The following MNAT1 variants were observed in gnomAD, a reference collection of about 807,000 sequenced individuals.
The protein encoded by MNAT1 is CDK-activating kinase assembly factor MAT1.
MNAT1 carries 43 observed loss-of-function variants against 42.0 expected under a neutral mutation model. The ratio of observed to expected loss-of-function variants is 1.02; its 90% confidence interval spans 0.80 to 1.32. The LOEUF (loss-of-function observed/expected upper bound fraction) is 1.32. MNAT1 is among the 40% of genes most tolerant of loss of function. MNAT1 has a pLI of 0.00. For missense variants in MNAT1, 306 were observed against 350.4 expected (o/e 0.87, Z 1.01); for synonymous variants, 118 against 120.0 (o/e 0.98, Z 0.11).
At chr14:60,875,681 T>C (rs927012713) in intron 6 of MNAT1, among the ~76,000 whole-genome samples, 2 of 152,152 alleles carry the variant, frequency 1.3e-5, no homozygotes, top group Non-Finnish European at 2.9e-5. Context: ...TTTTGGCTAT[T>C]GTAAATGATG....
chr14:60,938,319 A>G (rs553165577), intron 7 of MNAT1, among the ~76,000 whole-genome samples: 10 of 152,230 alleles, frequency 6.6e-5, no homozygotes, highest in African/African-American at 2.4e-4. Flanking sequence ...TTCAAAGGGA[A>G]TGCTTCCAGT....
intron 7 of MNAT1, among the ~76,000 whole-genome samples, chr14:60,960,990 G>T (rs531734938): frequency 2.3e-3 from 346 of 151,654 alleles, no homozygotes; most frequent in African/African-American, 7.9e-3. Context: ...GAGACGGAGT[G>T]TTGCTCTTGT....
In MNAT1 at chr14:60,940,862, C is replaced by T. The variant is rs1388872624; in HGVS notation, c.810-27367C>T. ...TTCAACATTACAGAATCAGAAGGGT[C>T]AAAATTAGAATAGCCTGAGAAGCTC... On this transcript the variant is annotated intron_variant, in intron 7 of 7. Coordinates refer to ENST00000261245, the MANE Select transcript of MNAT1 (RefSeq NM_002431.4). 2.0e-5 allele frequency among the ~76,000 whole-genome samples: 3 copies of T among 152,012 alleles called. No individual in the cohort carries two copies. The South Asian group carries it at 6.2e-4, about 32-fold the overall frequency.
At chr14:60,738,010 G>A (rs1303556813) in intron 1 of MNAT1, among the ~76,000 whole-genome samples, 1 of 149,790 alleles carries the variant, frequency 6.7e-6, no homozygotes, top group East Asian at 2.0e-4. Context: ...TACCACGCCC[G>A]GCTAATTTTT....
intron 1 of MNAT1, among the ~76,000 whole-genome samples, chr14:60,766,439 C>T (rs555572085): frequency 4.0e-4 from 61 of 151,846 alleles, no homozygotes; most frequent in African/African-American, 1.4e-3. Context: ...TGTGGCCTGG[C>T]GTGGTGGCTC....
intron 1 of MNAT1, among the ~76,000 whole-genome samples, chr14:60,785,435 A>C (rs1236454986): frequency 6.6e-6 from 1 of 152,194 alleles, no homozygotes; most frequent in African/African-American, 2.4e-5. Context: ...TAGGGATTTA[A>C]ATGATTAATT....
At chr14:60,811,117 G>A (rs915306177) in intron 4 of MNAT1, among the ~76,000 whole-genome samples, 2 of 151,790 alleles carry the variant, frequency 1.3e-5, no homozygotes, top group African/African-American at 2.4e-5. Context: ...TTTAATTAAA[G>A]TCTATTTTGT....
intron 7 of MNAT1, among the ~76,000 whole-genome samples, chr14:60,936,653 C>T (rs1303876651): frequency 6.6e-6 from 1 of 152,068 alleles, no homozygotes; most frequent in Non-Finnish European, 1.5e-5. Flanking sequence ...GGTTCCAAGT[C>T]TTTGCTATTG....
chr14:60,954,790 A>C (rs2036451375), intron 7 of MNAT1, among the ~76,000 whole-genome samples: 1 of 152,154 alleles, frequency 6.6e-6, no homozygotes, highest in Non-Finnish European at 1.5e-5. Context: ...TTCTTGGCTT[A>C]TTCCTAATTT....
At chr14:60,759,856 A>G (rs2030522776) in intron 1 of MNAT1, among the ~76,000 whole-genome samples, 1 of 152,176 alleles carries the variant, frequency 6.6e-6, no homozygotes, top group South Asian at 2.1e-4. Flanking sequence ...GCCTTAGGTC[A>G]AATATTTATA....
chr14:60,955,442 A>C (rs2036470568), intron 7 of MNAT1, among the ~76,000 whole-genome samples: 1 of 152,116 alleles, frequency 6.6e-6, no homozygotes, highest in Non-Finnish European at 1.5e-5. Flanking sequence ...CAGGTGAGTC[A>C]CCTGAGGTCA....
intron 3 of MNAT1, 35 bp from the exon 4 acceptor site, chr14:60,808,290 A>G (rs2032440287): frequency 7.6e-7 from 1 of 1,314,766 alleles, no homozygotes; most frequent in Non-Finnish European, 1.0e-6. Context: ...TATATTAAAA[A>G]TATTTTTCAT....
In MNAT1 at chr14:60,734,801, G is replaced by A. The variant is rs570998887; in HGVS notation, c.-62G>A. On this transcript the variant is annotated 5_prime_UTR_variant, in exon 1 of 8. Coordinates refer to ENST00000261245, the MANE Select transcript of MNAT1 (RefSeq NM_002431.4). The surrounding 1 kb of genome is among the most constrained non-coding windows in gnomAD (Gnocchi z 4.3). Reference sequence around the variant, plus strand: ...GGAACCTGCTTGGTCGCGTCTGAGGGGGCTTGTAGGTGGCTCTGGCTGAAA... The same window carrying A: ...GGAACCTGCTTGGTCGCGTCTGAGGAGGCTTGTAGGTGGCTCTGGCTGAAA... 5.7e-5 allele frequency: 86 copies of A among 1,514,348 alleles called. No individual in the cohort carries two copies. The South Asian group carries it at 9.4e-4, about 17-fold the overall frequency. 93.8% of individuals were successfully genotyped at this position (1,514,348 alleles called of 1,614,324 possible). A position where few individuals can be genotyped will look rare whatever the true frequency, so the allele number is the denominator to read the frequency against.
Position 60,897,364 on chromosome 14 carries a change from A to T in MNAT1, c.809+17529A>T, listed in dbSNP as rs984836136. On this transcript the variant is annotated intron_variant, in intron 7 of 7. Transcript: ENST00000261245. The stretch of plus-strand genomic sequence containing the variant: ...TTATGTAAATACATAATTTATATAT[A>T]TCTTTAAATTTCTGTGTAAAATAAT... 2.8e-4 allele frequency among the ~76,000 whole-genome samples: 42 copies of T among 152,226 alleles called. 2 individuals carry two copies. The East Asian group carries it at 8.1e-3, about 29-fold the overall frequency.
intron 1 of MNAT1, among the ~76,000 whole-genome samples, chr14:60,792,681 A>G (rs1483406394): frequency 6.6e-6 from 1 of 152,212 alleles, no homozygotes; most frequent in African/African-American, 2.4e-5. Flanking sequence ...GACATGGAAT[A>G]TAGTTGCTCT....
intron 7 of MNAT1, among the ~76,000 whole-genome samples, chr14:60,909,855 G>A (rs1458699843): frequency 4.0e-5 from 6 of 151,848 alleles, no homozygotes; most frequent in African/African-American, 9.7e-5. Flanking sequence ...TTCCAATTCT[G>A]TGAAGAAAGT....
At chr14:60,862,565 A>G (rs188554525) in intron 6 of MNAT1, among the ~76,000 whole-genome samples, 120 of 152,320 alleles carry the variant, frequency 7.9e-4, no homozygotes, top group Non-Finnish European at 1.4e-3. Flanking sequence ...AAAGTGCACA[A>G]CTGCTTTTGT....
chr14:60,889,430 C>G (rs1037464009), intron 7 of MNAT1, among the ~76,000 whole-genome samples: 1 of 152,068 alleles, frequency 6.6e-6, no homozygotes, highest in African/African-American at 2.4e-5. Flanking sequence ...CCCTTCCTTA[C>G]ACCTTATACA....
intron 1 of MNAT1, among the ~76,000 whole-genome samples, chr14:60,743,041 C>T (rs1342537728): frequency 6.6e-6 from 1 of 152,124 alleles, no homozygotes. Context: ...CATATGGTAA[C>T]TCTTTGTTTA....
Sources: gnomAD v4.1 joint callset for allele counts (sites outside exome capture counted in the v4.1 genomes callset) on GRCh38, gnomAD v4.1.1 for gene constraint, Gnocchi (gnomAD v3.1) non-coding constraint, MANE v1.5 for transcripts, NCBI Gene and HGNC (gene_info 2026-07-23, HGNC 2026-07-21) for gene names.